The following ERC2 variants were observed in gnomAD, a reference collection of about 807,000 sequenced individuals.
The protein encoded by ERC2 is ELKS/RAB6-interacting/CAST family member 2.
Under a neutral mutation model 114.8 loss-of-function variants are expected in ERC2, and 42 were observed. That is an observed-to-expected ratio of 0.37 (90% CI 0.29 to 0.47). ERC2 has a LOEUF of 0.47. Ranked by LOEUF, ERC2 falls within the 20% of genes least tolerant of loss-of-function variation. ERC2 has a pLI of 0.99. For synonymous variants in ERC2, 454 were observed against 425.5 expected (o/e 1.07, Z -0.82); for missense variants, 939 against 1,150.7 (o/e 0.82, Z 2.66).
intron 14 of ERC2, among the ~76,000 whole-genome samples, chr3:55,865,884 T>A (rs2062288152): frequency 6.6e-6 from 1 of 152,202 alleles, no homozygotes; most frequent in Non-Finnish European, 1.5e-5. Flanking sequence ...GTTTTCACTT[T>A]TTGGCTATTA....
At chr3:55,661,668 G>T (rs2061142698) in intron 17 of ERC2, among the ~76,000 whole-genome samples, 1 of 152,100 alleles carries the variant, frequency 6.6e-6, no homozygotes, top group Non-Finnish European at 1.5e-5. Flanking sequence ...ATAAAGCATG[G>T]GCATCTTGGA....
At chr3:55,982,087 C>A (rs1326483420) in intron 12 of ERC2, among the ~76,000 whole-genome samples, 1 of 152,052 alleles carries the variant, frequency 6.6e-6, no homozygotes, top group Non-Finnish European at 1.5e-5. Context: ...GAGAGGCTGG[C>A]TGGAGAGGGG....
chr3:55,534,940 G>A (rs1026455521), intron 17 of ERC2, among the ~76,000 whole-genome samples: 4 of 152,170 alleles, frequency 2.6e-5, no homozygotes, highest in Non-Finnish European at 5.9e-5. Flanking sequence ...ACATAACGGT[G>A]AAGAGGCAGC....
chr3:55,771,316 C>A (rs1372505547), intron 14 of ERC2, among the ~76,000 whole-genome samples: 1 of 152,122 alleles, frequency 6.6e-6, no homozygotes, highest in Non-Finnish European at 1.5e-5. Context: ...TACAAATTAT[C>A]CTGATTTACC....
chr3:56,232,528 A>G (rs1158414671), intron 3 of ERC2, among the ~76,000 whole-genome samples: 1 of 152,134 alleles, frequency 6.6e-6, no homozygotes, highest in African/African-American at 2.4e-5. Flanking sequence ...TTCCAGGTCT[A>G]CGCATGATTA....
chr3:55,706,343 A>C (rs2063484845), intron 15 of ERC2, among the ~76,000 whole-genome samples: 1 of 151,566 alleles, frequency 6.6e-6, no homozygotes, highest in Non-Finnish European at 1.5e-5. Context: ...CCTGCAGTAA[A>C]AGCTTGTCTT....
At chr3:55,679,669 AAG>A (rs1188309297) in intron 17 of ERC2, among the ~76,000 whole-genome samples, 6 of 152,256 alleles carry the variant, frequency 3.9e-5, no homozygotes, top group African/African-American at 1.2e-4. Flanking sequence ...TGGCACAAGA[AAG>A]AGATATATCA....
chr3:56,220,546 A>G (rs2049836026), intron 3 of ERC2, among the ~76,000 whole-genome samples: 1 of 152,200 alleles, frequency 6.6e-6, no homozygotes, highest in Non-Finnish European at 1.5e-5. Flanking sequence ...CCAAAGCACA[A>G]CATAAAGCTG....
intron 13 of ERC2, among the ~76,000 whole-genome samples, chr3:55,910,391 C>CAACAAAAA (rs1456996033): frequency 6.7e-6 from 1 of 148,398 alleles, no homozygotes. Flanking sequence ...GACTCTGTCT[C>CAACAAAAA]AACAAAAAAA....
At chr3:55,684,358 G>A (rs1277187553) in intron 16 of ERC2, among the ~76,000 whole-genome samples, 10 of 151,902 alleles carry the variant, frequency 6.6e-5, no homozygotes, top group Admixed American at 4.6e-4. Flanking sequence ...CTACTGGGGT[G>A]GAACAAACTT....
chr3:55,925,962 T>C (rs1168522214), intron 13 of ERC2, among the ~76,000 whole-genome samples: 2 of 152,210 alleles, frequency 1.3e-5, no homozygotes, highest in African/African-American at 4.8e-5. Flanking sequence ...TCCTGTAGTA[T>C]TTCATTAGAC....
intron 14 of ERC2, among the ~76,000 whole-genome samples, chr3:55,887,567 G>C (rs1391575748): frequency 3.3e-5 from 5 of 152,192 alleles, no homozygotes; most frequent in African/African-American, 1.2e-4. Flanking sequence ...TAAAAACATA[G>C]AGACGCTCCT....
At chr3:56,177,481 G>A (rs1231615737) in intron 3 of ERC2, among the ~76,000 whole-genome samples, 1 of 152,186 alleles carries the variant, frequency 6.6e-6, no homozygotes, top group African/African-American at 2.4e-5. Flanking sequence ...AAATCATGAA[G>A]TGCAATGGTA....
At chr3:55,663,735 A>G (rs1055728145) in intron 17 of ERC2, among the ~76,000 whole-genome samples, 3 of 152,184 alleles carry the variant, frequency 2.0e-5, no homozygotes, top group African/African-American at 7.2e-5. Flanking sequence ...TTTTACTTTT[A>G]TAGTTCTAAA....
At chr3:55,781,473 C>T (rs2069037486) in intron 14 of ERC2, among the ~76,000 whole-genome samples, 1 of 151,556 alleles carries the variant, frequency 6.6e-6, no homozygotes, top group Non-Finnish European at 1.5e-5. Context: ...GTTCATAGTG[C>T]ATTCATTTAA....
At chr3:55,522,783 G>C (rs1047776083) in intron 17 of ERC2, among the ~76,000 whole-genome samples, 2 of 152,176 alleles carry the variant, frequency 1.3e-5, no homozygotes, top group Admixed American at 1.3e-4. Flanking sequence ...ATGTCTCCAC[G>C]TGTAACTGGG....
At chr3:56,234,742 G>T in intron 3 of ERC2, among the ~76,000 whole-genome samples, 1 of 152,146 alleles carries the variant, frequency 6.6e-6, no homozygotes. Flanking sequence ...GGGCCGAGAG[G>T]ATGAGACAAA....
chr3:55,617,651 A>T (rs1004031441), intron 17 of ERC2, among the ~76,000 whole-genome samples: 3 of 152,206 alleles, frequency 2.0e-5, no homozygotes, highest in Non-Finnish European at 4.4e-5. Context: ...ACTTCCAGGG[A>T]TTTAACAAGT....
At chr3:56,045,233 T>A (rs1213405064) in intron 7 of ERC2, among the ~76,000 whole-genome samples, 1 of 152,192 alleles carries the variant, frequency 6.6e-6, no homozygotes, top group African/African-American at 2.4e-5. Flanking sequence ...ATGCAAGAAT[T>A]AAAGGCAAAT....
Sources: allele counts gnomAD v4.1 joint callset (sites outside exome capture counted in the v4.1 genomes callset), GRCh38; gene constraint gnomAD v4.1.1; transcripts MANE v1.5; gene names NCBI Gene and HGNC (gene_info 2026-07-23, HGNC 2026-07-21).